TMEM65: variants seen among roughly 807,000 people sequenced by gnomAD.
The protein encoded by TMEM65 is transmembrane protein 65.
Under a neutral mutation model 25.4 loss-of-function variants are expected in TMEM65, and 22 were observed. That is an observed-to-expected ratio of 0.86 (90% CI 0.62 to 1.23). The LOEUF is 1.23. Ranked by LOEUF, TMEM65 falls within the 50% of genes most tolerant of loss-of-function variation. The probability of loss-of-function intolerance (pLI) is 0.00; values close to 1 mark genes in which losing one functional copy is unlikely to be tolerated. For missense variants in TMEM65, 262 were observed against 308.2 expected, an observed-to-expected ratio of 0.85 and a Z score of 1.12; for synonymous variants, 132 against 126.2, an observed-to-expected ratio of 1.05 and a Z score of -0.31.
At chr8:124,371,757 G>T in intron 1 of TMEM65, 97 bp downstream of exon 1, 11 of 1,188,750 alleles carry the variant, frequency 9.3e-6, no homozygotes, top group Non-Finnish European at 1.2e-5. Flanking sequence ...GCGGCGGCGG[G>T]GGTCCAAGAT....
At chr8:124,327,893 T>A (rs1416482638) in intron 2 of TMEM65, among the ~76,000 whole-genome samples, 1 of 152,180 alleles carries the variant, frequency 6.6e-6, no homozygotes, top group African/African-American at 2.4e-5. Flanking sequence ...TGGGTGCTTT[T>A]ACTAACTAAT....
At chr8:124,315,233 T>C (rs1280151895) in intron 6 of TMEM65, among the ~76,000 whole-genome samples, 2 of 152,178 alleles carry the variant, frequency 1.3e-5, no homozygotes, top group Non-Finnish European at 2.9e-5. Flanking sequence ...ACATTACAGT[T>C]ACTATGATAG....
Position 124,320,152 on chromosome 8 carries a change from G to C in TMEM65, c.555C>G (p.Gly185=). 6.2e-7 allele frequency: 1 copy of C among 1,613,298 alleles called. No individual in the cohort carries two copies. The highest frequency in any genetic ancestry group is 2.2e-5 in the East Asian group (1 of 44,828). ...TTGGTGTGAGATCAGGAATTGACAGGCCTAACCTGGAAGCCAATGCTTCAA... is the reference window on the plus strand; with the variant it reads ...TTGGTGTGAGATCAGGAATTGACAGCCCTAACCTGGAAGCCAATGCTTCAA... ...GYVEALASRL[G]LSIPDLTPKQ... Residue 185 remains glycine, a synonymous_variant, in exon 6 of 7, where the codon GGC becomes GGG. Transcript: ENST00000297632.
chr8:124,318,988 C>T (rs1814273345), intron 6 of TMEM65, among the ~76,000 whole-genome samples: 1 of 152,096 alleles, frequency 6.6e-6, no homozygotes, highest in Admixed American at 6.6e-5. Context: ...TTTTATTTAT[C>T]AGATTGTTTA....
intron 2 of TMEM65, among the ~76,000 whole-genome samples, chr8:124,329,619 T>C (rs1221035278): frequency 2.0e-5 from 3 of 151,968 alleles, no homozygotes; most frequent in African/African-American, 7.2e-5. Context: ...TATACCTATA[T>C]AAATATGTCC....
intron 6 of TMEM65, among the ~76,000 whole-genome samples, chr8:124,314,475 G>A (rs114465471): frequency 0.011 from 1,725 of 152,240 alleles, 29 homozygotes; most frequent in African/African-American, 0.037. Context: ...TTGTTTAAAA[G>A]TCAAACAGTA....
At chr8:124,365,129 C>G (rs1178547507) in intron 1 of TMEM65, among the ~76,000 whole-genome samples, 1 of 152,158 alleles carries the variant, frequency 6.6e-6, no homozygotes, top group Non-Finnish European at 1.5e-5. Flanking sequence ...TTCCTATCCA[C>G]AAATTTGATC....
intron 1 of TMEM65, among the ~76,000 whole-genome samples, chr8:124,360,811 A>G (rs538660786): frequency 3.9e-4 from 60 of 152,172 alleles, no homozygotes; most frequent in African/African-American, 1.2e-3. Context: ...TAGAATGGGG[A>G]AAAAAAATTA....
Position 124,334,763 on chromosome 8 carries a change from CAAAAAAAAAAAAA to C in TMEM65, c.305-3984_305-3972del, listed in dbSNP as rs34202764. 2.3e-5 allele frequency among the ~76,000 whole-genome samples: 2 copies of C among 86,030 alleles called. 1 individual carries two copies. Among genetic ancestry groups the C allele is most frequent in the African/African-American group, 8.4e-5 (2 of 23,756 alleles). 56.4% of individuals were successfully genotyped at this position (86,030 alleles called of 152,430 possible). On this transcript the variant is annotated intron_variant, in intron 1 of 6. Transcript: ENST00000297632. ...TGGGCGACAGAACAAGACTCCGTCT[CAAAAAAAAAAAAA>C]AAAAAAGAAAGAAAATTAAAAATTA...
In TMEM65 at chr8:124,313,309, G is replaced by A. The variant is rs565620578; in HGVS notation, c.*651C>T. The A allele has an allele frequency of 1.2e-4, 19 of 152,038 alleles. No individual in the cohort carries two copies. The highest frequency in any genetic ancestry group is 4.3e-4 in the African/African-American group (18 of 41,514). 9.4% of individuals were successfully genotyped at this position (152,038 alleles called of 1,614,324 possible). Reference sequence around the variant, plus strand: ...TTGTTAGTATACACGGTTTCATGTAGCAGGGAGACCACATAATTGCTCTTT... The same window carrying A: ...TTGTTAGTATACACGGTTTCATGTAACAGGGAGACCACATAATTGCTCTTT... On this transcript the variant is annotated 3_prime_UTR_variant, in exon 7 of 7. Coordinates refer to ENST00000297632, the MANE Select transcript of TMEM65 (RefSeq NM_194291.3).
intron 1 of TMEM65, among the ~76,000 whole-genome samples, chr8:124,333,472 T>C (rs950089636): frequency 1.7e-4 from 20 of 119,894 alleles, no homozygotes; most frequent in African/African-American, 6.9e-4. Flanking sequence ...TGTGTGTGCG[T>C]GTGTGTGTGT....
chr8:124,359,152 C>A (rs538228297), intron 1 of TMEM65, among the ~76,000 whole-genome samples: 1 of 152,140 alleles, frequency 6.6e-6, no homozygotes, highest in Non-Finnish European at 1.5e-5. Context: ...CCATTTGTTT[C>A]TTTTTCTTTC....
chr8:124,324,771 T>TG (rs533393862), intron 3 of TMEM65, among the ~76,000 whole-genome samples: 78 of 152,164 alleles, frequency 5.1e-4, no homozygotes, highest in African/African-American at 1.8e-3. Context: ...AAAGATGGTT[T>TG]GGGGGCAATG....
At chr8:124,328,653 C>T (rs1814396073) in intron 2 of TMEM65, among the ~76,000 whole-genome samples, 1 of 152,040 alleles carries the variant, frequency 6.6e-6, no homozygotes, top group Non-Finnish European at 1.5e-5. Flanking sequence ...TCTAATTAAT[C>T]TATAAAATTG....
At chr8:124,364,000 G>C (rs1024571056) in intron 1 of TMEM65, among the ~76,000 whole-genome samples, 4 of 151,974 alleles carry the variant, frequency 2.6e-5, no homozygotes, top group Non-Finnish European at 5.9e-5. Flanking sequence ...CTTTGCAGTA[G>C]AATCTACTAT....
chr8:124,338,929 G>A (rs954326277), intron 1 of TMEM65, among the ~76,000 whole-genome samples: 1 of 151,808 alleles, frequency 6.6e-6, no homozygotes, highest in African/African-American at 2.4e-5. Context: ...GGTGGCTCAC[G>A]CCTGTAATCC....
At chr8:124,354,916 T>G (rs1401785473) in intron 1 of TMEM65, among the ~76,000 whole-genome samples, 1 of 152,198 alleles carries the variant, frequency 6.6e-6, no homozygotes, top group Non-Finnish European at 1.5e-5. Context: ...AAAAAAAGTT[T>G]GTTGTGCCAT....
At chr8:124,327,619 G>A (rs1218684432) in intron 2 of TMEM65, among the ~76,000 whole-genome samples, 198 bp from the exon 3 acceptor site, 1 of 150,812 alleles carries the variant, frequency 6.6e-6, no homozygotes, top group African/African-American at 2.4e-5. Flanking sequence ...ACCAGAAAAA[G>A]TATAAAACAT....
At chr8:124,315,898 T>C (rs1462251649) in intron 6 of TMEM65, among the ~76,000 whole-genome samples, 1 of 152,228 alleles carries the variant, frequency 6.6e-6, no homozygotes, top group Non-Finnish European at 1.5e-5. Flanking sequence ...CTTTAACATA[T>C]TTACTCATTT....
Sources: allele counts gnomAD v4.1 joint callset (sites outside exome capture counted in the v4.1 genomes callset), GRCh38; gene constraint gnomAD v4.1.1; transcripts MANE v1.5; gene names NCBI Gene and HGNC (gene_info 2026-07-23, HGNC 2026-07-21).